Variants in CACNA1I observed in about 807,000 individuals in gnomAD.
The protein encoded by CACNA1I is calcium voltage-gated channel subunit alpha1 I, also known as voltage-dependent T-type calcium channel subunit alpha-1I.
In CACNA1I, 74 loss-of-function variants were observed where a neutral mutation model predicts 201.6. The ratio of observed to expected loss-of-function variants is 0.37; its 90% CI spans 0.30 to 0.45. The LOEUF (loss-of-function observed/expected upper bound fraction) is 0.45. Among genes scored for constraint, CACNA1I ranks in the 20% least tolerant of loss-of-function variants. The probability of loss-of-function intolerance (pLI) is 1.00; values close to 1 mark genes in which losing one functional copy is unlikely to be tolerated. For synonymous variants in CACNA1I, 1,431 were observed against 1,345.2 expected (o/e 1.06, Z -1.40); for missense variants, 2,346 against 3,138.1 (o/e 0.75, Z 6.03).
chr22:39,637,714 C>T (rs995495789), intron 5 of CACNA1I, among the ~76,000 whole-genome samples: 2 of 152,298 alleles, frequency 1.3e-5, no homozygotes, highest in Admixed American at 6.5e-5. Context: ...GCTCTCTTAA[C>T]GGTGTCTTTT....
intron 32 of CACNA1I, 22 bp from the exon 33 acceptor site, chr22:39,679,700 C>T (rs1209746744): frequency 6.2e-6 from 10 of 1,601,640 alleles, no homozygotes; most frequent in African/African-American, 2.7e-5. Context: ...CGCCTGTCCC[C>T]ACCCCGTCCC....
At chr22:39,607,925 G>C (rs952851759) in intron 3 of CACNA1I, among the ~76,000 whole-genome samples, 1 of 150,090 alleles carries the variant, frequency 6.7e-6, no homozygotes, top group Non-Finnish European at 1.5e-5. Flanking sequence ...TCAGGAGTTC[G>C]AGACCAACAT....
chr22:39,617,836 C>T (rs1290449114), intron 3 of CACNA1I, among the ~76,000 whole-genome samples: 2 of 135,694 alleles, frequency 1.5e-5, no homozygotes, highest in African/African-American at 2.7e-5. Flanking sequence ...TTCCCTTGGC[C>T]CCCTCCTCCC....
chr22:39,623,545 TGTGTGTGTGCCTGTGAGG>T (rs1933811939), intron 4 of CACNA1I, among the ~76,000 whole-genome samples: 1 of 149,804 alleles, frequency 6.7e-6, no homozygotes, highest in Non-Finnish European at 1.5e-5. Context: ...TGTGTGCTTG[TGTGTGTGTGCCTGTGAGG>T]GTGTGTGTGC....
intron 1 of CACNA1I, among the ~76,000 whole-genome samples, chr22:39,593,342 G>A (rs560768822): frequency 8.5e-5 from 13 of 152,198 alleles, no homozygotes; most frequent in Non-Finnish European, 1.3e-4. Context: ...GTACACAGTC[G>A]TCAGAGGTAC....
intron 3 of CACNA1I, among the ~76,000 whole-genome samples, chr22:39,603,932 G>A (rs1933137035): frequency 6.6e-6 from 1 of 152,208 alleles, no homozygotes; most frequent in African/African-American, 2.4e-5. Context: ...AAATCTACAA[G>A]TTAAAATGTA....
intron 10 of CACNA1I, among the ~76,000 whole-genome samples, chr22:39,656,045 G>A (rs903486144): frequency 5.9e-5 from 9 of 152,126 alleles, no homozygotes; most frequent in East Asian, 1.9e-4. Context: ...TCTGGACCCT[G>A]GCTCAGTCCT....
chr22:39,684,869 T>G lies in CACNA1I; in HGVS notation c.6027+371T>G. On this transcript the variant is annotated intron_variant, in intron 36 of 36. Transcript: ENST00000402142. This position sits in a 1 kb window ranked among gnomAD's most constrained non-coding sequence, Gnocchi z 4.6. ...ACACCCTGGGTGCTCTGGGTGGGTG[T>G]GAGTGGGGGCTTGATTACTAGGAAT... 1 of 437,870 alleles carries G rather than the reference T, an allele frequency of 2.3e-6. No individual in the cohort carries two copies. The highest frequency in any genetic ancestry group is 3.8e-5 in the East Asian group (1 of 26,170). 27.1% of individuals were successfully genotyped at this position (437,870 alleles called of 1,614,324 possible).
rs533339778 is a variant in CACNA1I, at chr22:39,670,866, G to A, written c.4451G>A (p.Cys1484Tyr). The A allele has an allele frequency of 6.2e-7, 1 of 1,612,308 alleles. No individual in the cohort carries two copies. Among genetic ancestry groups the A allele is most frequent in the Non-Finnish European group, 8.5e-7 (1 of 1,179,694 alleles). The change falls in exon 26 of 37, where the codon TGC becomes TAC. Residue 1484 changes from cysteine (C) to tyrosine (Y), a missense_variant. Coordinates refer to ENST00000402142, the MANE Select transcript of CACNA1I (RefSeq NM_021096.4). ...CHTRLLIHSM[C>Y]TSHYLDIFIT... ...ACCCGGCTGCTCATCCACTCCATGT[G>A]CACCAGCCACTACCTGGACATCTTC...
intron 1 of CACNA1I, among the ~76,000 whole-genome samples, chr22:39,593,242 C>T (rs1244796784): frequency 6.6e-6 from 1 of 152,202 alleles, no homozygotes; most frequent in East Asian, 1.9e-4. Flanking sequence ...GACTGGGTGA[C>T]CTTGTGTGAG....
intron 3 of CACNA1I, among the ~76,000 whole-genome samples, chr22:39,615,258 G>T (rs913941524): frequency 1.3e-5 from 2 of 152,220 alleles, no homozygotes; most frequent in African/African-American, 4.8e-5. Context: ...GACACTCGGG[G>T]GAGATGGACG....
At chr22:39,667,841 C>T (rs972904249) in intron 23 of CACNA1I, among the ~76,000 whole-genome samples, 1 of 152,300 alleles carries the variant, frequency 6.6e-6, no homozygotes, top group East Asian at 1.9e-4. Flanking sequence ...ACTCCTCTCA[C>T]GAGCTCCTGT....
intron 5 of CACNA1I, among the ~76,000 whole-genome samples, chr22:39,635,466 G>A (rs1934189456): frequency 6.6e-6 from 1 of 152,150 alleles, no homozygotes; most frequent in Admixed American, 6.5e-5. Context: ...GTGGGGACGT[G>A]GGGACACTGT....
chr22:39,644,551 G>C (rs963580325), intron 7 of CACNA1I, among the ~76,000 whole-genome samples: 1 of 152,224 alleles, frequency 6.6e-6, no homozygotes, highest in Admixed American at 6.5e-5. Flanking sequence ...AGGGTCCAGA[G>C]AGCAAAGTCA....
Position 39,666,845 on chromosome 22 carries a change from A to G in CACNA1I, c.4104+839A>G, listed in dbSNP as rs978711990. 6.6e-6 allele frequency among the ~76,000 whole-genome samples: 1 copy of G among 152,184 alleles called. No homozygotes were observed. Among genetic ancestry groups the G allele is most frequent in the Non-Finnish European group, 1.5e-5 (1 of 68,020 alleles). ...AGTGAGTGCCCAGGGAAAGGGTGTC[A>G]GGAACCAGGACAGTCACTACCCCTG... On this transcript the variant is annotated intron_variant, in intron 23 of 36. Coordinates refer to ENST00000402142, the MANE Select transcript of CACNA1I (RefSeq NM_021096.4). The surrounding 1 kb of genome is among the most constrained non-coding windows in gnomAD (Gnocchi z 4.1).
chr22:39,679,515 G>A lies in CACNA1I; in HGVS notation c.5394+70G>A, dbSNP rs1317920936. 2.5e-6 allele frequency: 3 copies of A among 1,184,156 alleles called. No homozygotes were observed. The Admixed American group carries it at 9.2e-5, about 36-fold the overall frequency. 73.4% of individuals were successfully genotyped at this position (1,184,156 alleles called of 1,614,324 possible). A position where few individuals can be genotyped will look rare whatever the true frequency, so the allele number is the denominator to read the frequency against. ...ACCGCAGGGCCAGATGGGCAGCAGGGCCAGGGAGGCCTTGCACAGAGACCT... is the reference window on the plus strand; with the variant it reads ...ACCGCAGGGCCAGATGGGCAGCAGGACCAGGGAGGCCTTGCACAGAGACCT... On this transcript the variant is annotated intron_variant, in intron 32 of 36. Coordinates refer to ENST00000402142, the MANE Select transcript of CACNA1I (RefSeq NM_021096.4).
chr22:39,591,092 T>C (rs2145816815), intron 1 of CACNA1I, among the ~76,000 whole-genome samples: 1 of 151,344 alleles, frequency 6.6e-6, no homozygotes, highest in East Asian at 1.9e-4. Flanking sequence ...GGTCAAGTGA[T>C]CCTCCTGCCT....
In CACNA1I at chr22:39,684,178, C is replaced by T. The variant is rs1935785555; in HGVS notation, c.5831-124C>T. 2.7e-6 allele frequency: 2 copies of T among 733,394 alleles called. No individual in the cohort carries two copies. The highest frequency in any genetic ancestry group is 2.7e-5 in the East Asian group (1 of 37,114). 45.4% of individuals were successfully genotyped at this position (733,394 alleles called of 1,614,324 possible). A position where few individuals can be genotyped will look rare whatever the true frequency, so the allele number is the denominator to read the frequency against. On this transcript the variant is annotated intron_variant, in intron 35 of 36. Transcript: ENST00000402142. This position sits in a 1 kb window ranked among gnomAD's most constrained non-coding sequence, Gnocchi z 4.6. ...GAGGGGGGACTTGTCCACAGTCTCA[C>T]AGTCAGTTTATTAGGTGGCCCCTCA...
rs750557032 is a variant in CACNA1I, at chr22:39,658,180, T to A, written c.2021T>A (p.Ile674Asn). The change falls in exon 11 of 37, where the codon ATC becomes AAC. Residue 674 changes from isoleucine (I) to asparagine (N), a missense_variant. Ile to Asn is a moderately radical substitution (Grantham distance 149). This residue lies in a region of CACNA1I where 155 missense variants were observed against 300.8 expected (regional missense o/e 0.52). Transcript: ENST00000402142. The stretch of plus-strand genomic sequence containing the variant: ...GAGGAGCTGACCAACATCCTGGAGA[T>A]CTGCAATGTGGTCTTCACCAGCATG... ...QPEELTNILE[I>N]CNVVFTSMFA... 2 of 1,613,882 alleles carry A rather than the reference T, an allele frequency of 1.2e-6. No homozygotes were observed. The highest frequency in any genetic ancestry group is 2.7e-5 in the African/African-American group (2 of 74,944).
Sources: gnomAD v4.1 joint callset for allele counts (sites outside exome capture counted in the v4.1 genomes callset) on GRCh38, gnomAD v4.1.1 for gene constraint, gnomAD v4.1.1 regional missense constraint, Gnocchi (gnomAD v3.1) non-coding constraint, MANE v1.5 for transcripts, NCBI Gene and HGNC (gene_info 2026-07-23, HGNC 2026-07-21) for gene names.